Variants in GRIK2 observed in about 807,000 individuals in gnomAD.
GRIK2 encodes glutamate receptor ionotropic, kainate 2.
A neutral mutation model predicts 100.3 loss-of-function variants in GRIK2; 32 were observed. The ratio of observed to expected loss-of-function variants is 0.32; its 90% CI spans 0.24 to 0.43. The LOEUF (loss-of-function observed/expected upper bound fraction) is 0.43, where lower values mean the gene tolerates loss of function less well. GRIK2 is among the 20% of genes least tolerant of loss of function. GRIK2 has a pLI of 1.00. For synonymous variants in GRIK2, 417 were observed against 389.4 expected, an observed-to-expected ratio of 1.07 and a Z score of -0.83; for missense variants, 843 against 1,114.9, an observed-to-expected ratio of 0.76 and a Z score of 3.47.
intron 5 of GRIK2, among the ~76,000 whole-genome samples, chr6:101,680,057 A>G (rs1771132687): frequency 6.6e-6 from 1 of 152,142 alleles, no homozygotes; most frequent in Non-Finnish European, 1.5e-5. Flanking sequence ...TTTCTACGTC[A>G]TATATCACAG....
intron 7 of GRIK2, among the ~76,000 whole-genome samples, chr6:101,745,580 A>G (rs1050816989): frequency 1.3e-5 from 2 of 152,210 alleles, no homozygotes; most frequent in African/African-American, 4.8e-5. Context: ...ATATGAAATC[A>G]CAGTATAAAA....
At chr6:101,833,392 G>A (rs188327521) in intron 10 of GRIK2, among the ~76,000 whole-genome samples, 172 of 147,404 alleles carry the variant, frequency 1.2e-3, no homozygotes, top group East Asian at 3.8e-3. Context: ...CACCATGCCC[G>A]GCTAATTTTT....
At chr6:101,784,735 C>T (rs1779317516) in intron 7 of GRIK2, among the ~76,000 whole-genome samples, 1 of 152,188 alleles carries the variant, frequency 6.6e-6, no homozygotes, top group Non-Finnish European at 1.5e-5. Context: ...CTATCCCTCT[C>T]TCTCTCTCCT....
intron 2 of GRIK2, among the ~76,000 whole-genome samples, chr6:101,464,007 G>A (rs1055287541): frequency 3.9e-5 from 6 of 152,050 alleles, no homozygotes; most frequent in African/African-American, 1.4e-4. Context: ...AGTGTGACTA[G>A]TAAATCTCCA....
intron 14 of GRIK2, among the ~76,000 whole-genome samples, chr6:101,941,723 A>G (rs1451107508): frequency 6.6e-6 from 1 of 152,186 alleles, no homozygotes; most frequent in African/African-American, 2.4e-5. Flanking sequence ...AAATGAGATT[A>G]AAAGAAATAT....
At chr6:101,401,366 G>GCT (rs752479610) in intron 2 of GRIK2, among the ~76,000 whole-genome samples, 9 of 151,918 alleles carry the variant, frequency 5.9e-5, no homozygotes, top group Admixed American at 5.3e-4. Flanking sequence ...TTCCAAAAGA[G>GCT]CTCTCTCTCT....
chr6:101,678,620 C>T (rs1208651657), intron 5 of GRIK2, among the ~76,000 whole-genome samples: 1 of 152,128 alleles, frequency 6.6e-6, no homozygotes, highest in African/African-American at 2.4e-5. Flanking sequence ...CTAGGAAATT[C>T]AGCAGTGCAT....
intron 7 of GRIK2, among the ~76,000 whole-genome samples, chr6:101,752,858 T>C (rs1163824645): frequency 2.0e-5 from 3 of 152,152 alleles, no homozygotes; most frequent in Non-Finnish European, 4.4e-5. Context: ...ATCCTGAAAA[T>C]ACTGTAGATG....
At chr6:101,681,404 ATTTTTTTTTT>A (rs149557882) in intron 5 of GRIK2, among the ~76,000 whole-genome samples, 1 of 111,956 alleles carries the variant, frequency 8.9e-6, no homozygotes, top group South Asian at 2.8e-4. Context: ...TTTCTTTTCT[ATTTTTTTTTT>A]TTTTTTTTTG....
intron 4 of GRIK2, among the ~76,000 whole-genome samples, chr6:101,633,165 C>T (rs1279482439): frequency 1.3e-5 from 2 of 152,088 alleles, no homozygotes. Flanking sequence ...CCACCCTGCC[C>T]TGGAATCTAC....
intron 14 of GRIK2, among the ~76,000 whole-genome samples, chr6:101,961,181 T>A (rs1329038433): frequency 3.9e-5 from 6 of 152,100 alleles, no homozygotes; most frequent in African/African-American, 1.4e-4. Flanking sequence ...TTGTAGTTCA[T>A]CTTCAGGACT....
intron 2 of GRIK2, among the ~76,000 whole-genome samples, chr6:101,528,781 A>G (rs976584626): frequency 1.3e-5 from 2 of 152,174 alleles, no homozygotes; most frequent in Non-Finnish European, 2.9e-5. Context: ...CCTAATTATG[A>G]TATGTCCAGA....
intron 2 of GRIK2, among the ~76,000 whole-genome samples, chr6:101,491,879 A>G (rs969283806): frequency 7.3e-5 from 11 of 151,624 alleles, no homozygotes; most frequent in South Asian, 2.1e-4. Context: ...ATATATATAT[A>G]TGTGTGTTTG....
intron 7 of GRIK2, among the ~76,000 whole-genome samples, chr6:101,738,232 CAA>C (rs1223656951): frequency 2.7e-5 from 4 of 150,830 alleles, no homozygotes; most frequent in Non-Finnish European, 5.9e-5. Context: ...TGACAATTGT[CAA>C]ATGTCAATTG....
intron 7 of GRIK2, among the ~76,000 whole-genome samples, chr6:101,799,394 A>G (rs1334911189): frequency 6.6e-6 from 1 of 151,996 alleles, no homozygotes; most frequent in Admixed American, 6.6e-5. Context: ...CGGCAGTACT[A>G]GGACTATATG....
chr6:102,044,610 C>T (rs1770779600), intron 15 of GRIK2, among the ~76,000 whole-genome samples: 1 of 151,948 alleles, frequency 6.6e-6, no homozygotes, highest in Non-Finnish European at 1.5e-5. Context: ...GGGAACCACC[C>T]ACATGATTCA....
intron 10 of GRIK2, among the ~76,000 whole-genome samples, chr6:101,831,541 C>T (rs1782694923): frequency 6.6e-6 from 1 of 152,036 alleles, no homozygotes; most frequent in Admixed American, 6.6e-5. Context: ...AGGTTCTTAG[C>T]TCTACAGAAG....
At chr6:101,532,485 CAT>C (rs1430992496) in intron 2 of GRIK2, among the ~76,000 whole-genome samples, 1 of 150,876 alleles carries the variant, frequency 6.6e-6, no homozygotes, top group Non-Finnish European at 1.5e-5. Context: ...AGATAGCAAA[CAT>C]ATAATAAATA....
At chr6:101,569,935 A>G (rs1777454069) in intron 2 of GRIK2, among the ~76,000 whole-genome samples, 1 of 152,140 alleles carries the variant, frequency 6.6e-6, no homozygotes, top group African/African-American at 2.4e-5. Context: ...TTTAACACAA[A>G]CATTTCTTAT....
Sources: gnomAD v4.1 joint callset for allele counts (sites outside exome capture counted in the v4.1 genomes callset) on GRCh38, gnomAD v4.1.1 for gene constraint, MANE v1.5 for transcripts, NCBI Gene and HGNC (gene_info 2026-07-23, HGNC 2026-07-21) for gene names.